EPHA5: variants seen among roughly 807,000 people sequenced by gnomAD.
EPHA5 encodes EPH receptor A5.
In EPHA5, 60 loss-of-function variants were observed where a neutral mutation model predicts 105.0. That is an observed-to-expected ratio of 0.57 (90% CI 0.46 to 0.71). The LOEUF (loss-of-function observed/expected upper bound fraction) is 0.71. Ranked by LOEUF, EPHA5 falls within the 30% of genes least tolerant of loss-of-function variation. The pLI is 0.00. For missense variants in EPHA5, 1,218 were observed against 1,274.7 expected (o/e 0.96, Z 0.68); for synonymous variants, 513 against 449.1 (o/e 1.14, Z -1.80).
chr4:65,622,217 C>A (rs1023787392), intron 2 of EPHA5, among the ~76,000 whole-genome samples: 1 of 152,040 alleles, frequency 6.6e-6, no homozygotes, highest in African/African-American at 2.4e-5. Flanking sequence ...GTGTTCTCTT[C>A]CACAGTGAAC....
intron 8 of EPHA5, among the ~76,000 whole-genome samples, chr4:65,378,764 T>C (rs1272621982): frequency 6.7e-6 from 1 of 149,462 alleles, no homozygotes; most frequent in African/African-American, 2.4e-5. Flanking sequence ...TGACTGCTCT[T>C]GTTTGCTTGT....
chr4:65,488,773 A>T (rs916279118), intron 5 of EPHA5, among the ~76,000 whole-genome samples: 4 of 152,212 alleles, frequency 2.6e-5, no homozygotes, highest in Admixed American at 6.5e-5. Flanking sequence ...AAGAGTATAG[A>T]ATAATTCCTA....
intron 8 of EPHA5, among the ~76,000 whole-genome samples, chr4:65,381,250 A>AACACC (rs1343085637): frequency 2.6e-5 from 4 of 151,754 alleles, no homozygotes; most frequent in African/African-American, 9.7e-5. Context: ...CAAAGTATAT[A>AACACC]TGTGGAGTCT....
At position 65,443,905 on chromosome 4, in the gene EPHA5, C is replaced by CTGTGTGTGTG. The variant is rs57129731; in HGVS notation, c.1403-23350_1403-23341dup. Among the ~76,000 whole-genome samples, 177 of 150,034 alleles carry CTGTGTGTGTG rather than the reference C, an allele frequency of 1.2e-3. 1 individual carries two copies. In the South Asian group the frequency reaches 0.015, roughly 13 times the overall value. On this transcript the variant is annotated intron_variant, in intron 5 of 16. Coordinates refer to ENST00000613740, the MANE Select transcript of EPHA5 (RefSeq NM_001281766.3). ...TTTCTACTTGCAGATGTTTGTGTGC[C>CTGTGTGTGTG]TGTGTGTGTGTGTGTGTGTGTGTGC...
chr4:65,539,920 TA>T (rs1361306025), intron 3 of EPHA5, among the ~76,000 whole-genome samples: 2 of 151,528 alleles, frequency 1.3e-5, no homozygotes, highest in Non-Finnish European at 3.0e-5. Flanking sequence ...ATTATGCACA[TA>T]TGTTATCACT....
At chr4:65,363,694 T>G (rs565603175) in intron 11 of EPHA5, among the ~76,000 whole-genome samples, 1 of 151,574 alleles carries the variant, frequency 6.6e-6, no homozygotes, top group African/African-American at 2.4e-5. Context: ...ATGTTTTATA[T>G]TAGATAATAC....
intron 3 of EPHA5, among the ~76,000 whole-genome samples, chr4:65,567,641 CATATCTAAGTGCAT>C (rs1739691049): frequency 6.6e-6 from 1 of 151,522 alleles, no homozygotes. Context: ...AATTTCAACA[CATATCTAAGTGCAT>C]ATATCTAAAA....
intron 8 of EPHA5, among the ~76,000 whole-genome samples, chr4:65,384,594 C>T (rs1372046724): frequency 1.3e-5 from 2 of 151,860 alleles, no homozygotes; most frequent in Non-Finnish European, 2.9e-5. Flanking sequence ...CCCATTATTA[C>T]CCTATCCTGT....
intron 5 of EPHA5, among the ~76,000 whole-genome samples, chr4:65,468,566 TTA>T (rs10578603): frequency 0.51 from 61,793 of 121,646 alleles, 16,623 homozygotes; most frequent in African/African-American, 0.66. Context: ...ATATTATATA[TTA>T]TATATATATA....
intron 5 of EPHA5, among the ~76,000 whole-genome samples, chr4:65,435,301 A>T (rs1447707188): frequency 2.0e-5 from 3 of 152,116 alleles, no homozygotes; most frequent in Non-Finnish European, 4.4e-5. Context: ...GAGTGGAAGC[A>T]TTTTCATTGA....
intron 7 of EPHA5, 106 bp from the exon 8 acceptor site, chr4:65,404,585 C>A (rs1457802478): frequency 2.6e-5 from 23 of 882,540 alleles, no homozygotes; most frequent in Non-Finnish European, 4.1e-5. Flanking sequence ...AAGCAATTTA[C>A]CCACACTTAG....
intron 3 of EPHA5, among the ~76,000 whole-genome samples, chr4:65,578,231 T>G (rs1401267073): frequency 1.3e-5 from 2 of 152,166 alleles, no homozygotes; most frequent in Non-Finnish European, 1.5e-5. Context: ...CTAGTCTTTT[T>G]CTTTTTGTCA....
Position 65,367,403 on chromosome 4 carries a change from T to G in EPHA5, c.1815A>C (p.Ala605=), listed in dbSNP as rs770377887. ...TCTTTTCCTCTTCTGGATCTTGTTT[T>G]GCTTTGCTGTAGCCACACCGCCTGG... ...LSGRRCGYSK[A]KQDPEEEKMH... is the part of the protein sequence containing the mutation. Residue 605 remains alanine (A), a synonymous_variant, in exon 9 of 17, where the codon GCA becomes GCC. Coordinates refer to ENST00000613740, the MANE Select transcript of EPHA5 (RefSeq NM_001281766.3). The G allele has an allele frequency of 6.2e-6, 10 of 1,612,368 alleles. No homozygotes were observed. The highest frequency in any genetic ancestry group is 4.0e-5 in the African/African-American group (3 of 74,906).
chr4:65,448,558 G>A (rs1726781694), intron 5 of EPHA5, among the ~76,000 whole-genome samples: 1 of 152,114 alleles, frequency 6.6e-6, no homozygotes, highest in Non-Finnish European at 1.5e-5. Flanking sequence ...TGAGGCAGGA[G>A]AATTGCTTGA....
At chr4:65,373,537 A>G (rs1018516676) in intron 8 of EPHA5, among the ~76,000 whole-genome samples, 2 of 151,948 alleles carry the variant, frequency 1.3e-5, no homozygotes, top group African/African-American at 4.8e-5. Flanking sequence ...TATATTTAAA[A>G]ATTAGGATAA....
At position 65,483,129 on chromosome 4, in the gene EPHA5, C is replaced by T. The variant is rs111435535; in HGVS notation, c.1402+7248G>A. 1.7e-3 allele frequency among the ~76,000 whole-genome samples: 261 copies of T among 152,156 alleles called. 1 individual carries two copies. The highest frequency in any genetic ancestry group is 5.4e-3 in the African/African-American group (226 of 41,510). Reference sequence around the variant, plus strand: ...TGTGGTGTTTGGTTTTCTGTCCTTGCGATAGTTTGCTGAGAATGATGGTTT... The same window carrying T: ...TGTGGTGTTTGGTTTTCTGTCCTTGTGATAGTTTGCTGAGAATGATGGTTT... On this transcript the variant is annotated intron_variant, in intron 5 of 16. Transcript: ENST00000613740.
chr4:65,350,591 C>A (rs1174525053), intron 13 of EPHA5, among the ~76,000 whole-genome samples: 1 of 151,952 alleles, frequency 6.6e-6, no homozygotes, highest in African/African-American at 2.4e-5. Flanking sequence ...TAGAATTAAG[C>A]AAATATTGTT....
chr4:65,421,970 C>T (rs1002882383), intron 5 of EPHA5, among the ~76,000 whole-genome samples: 6 of 151,980 alleles, frequency 3.9e-5, no homozygotes. Flanking sequence ...ATCAGTTCTT[C>T]AATAAAATAA....
At chr4:65,380,599 T>G (rs1719458464) in intron 8 of EPHA5, among the ~76,000 whole-genome samples, 5 of 151,624 alleles carry the variant, frequency 3.3e-5, no homozygotes. Flanking sequence ...TGTCAACAGG[T>G]AAATGAGAAA....
Sources: gnomAD v4.1 joint callset for allele counts (sites outside exome capture counted in the v4.1 genomes callset) on GRCh38, gnomAD v4.1.1 for gene constraint, MANE v1.5 for transcripts, NCBI Gene and HGNC (gene_info 2026-07-23, HGNC 2026-07-21) for gene names.